The following ARL15 variants were observed in gnomAD, a reference collection of about 807,000 sequenced individuals.
ARL15 encodes ARF like GTPase 15.
ARL15 carries 19 observed loss-of-function variants against 25.2 expected under a neutral mutation model. The ratio of observed to expected loss-of-function variants is 0.75; its 90% CI spans 0.53 to 1.10. The LOEUF is 1.10. ARL15 is among the 50% of genes least tolerant of loss of function. The pLI, the probability that ARL15 is intolerant of heterozygous loss-of-function variation, is 0.00. For synonymous variants in ARL15, 94 were observed against 86.8 expected (o/e 1.08, Z -0.46); for missense variants, 220 against 246.0 (o/e 0.89, Z 0.71).
intron 4 of ARL15, among the ~76,000 whole-genome samples, chr5:53,936,555 C>G: frequency 6.6e-6 from 1 of 152,288 alleles, no homozygotes; most frequent in South Asian, 2.1e-4. Flanking sequence ...ATTGAGCAAA[C>G]TTTTGCATCA....
At chr5:54,058,672 C>G (rs1750965233) in intron 4 of ARL15, among the ~76,000 whole-genome samples, 1 of 152,100 alleles carries the variant, frequency 6.6e-6, no homozygotes, top group Non-Finnish European at 1.5e-5. Flanking sequence ...AGAAGCGGGA[C>G]AGTGTGGCTG....
chr5:54,085,508 T>C (rs1751936341), intron 4 of ARL15, among the ~76,000 whole-genome samples: 1 of 152,194 alleles, frequency 6.6e-6, no homozygotes, highest in South Asian at 2.1e-4. Flanking sequence ...AGTGGCTTCA[T>C]GTCACTGAAC....
At chr5:53,907,354 G>C (rs1369825994) in intron 4 of ARL15, among the ~76,000 whole-genome samples, 2 of 149,754 alleles carry the variant, frequency 1.3e-5, no homozygotes, top group Admixed American at 6.7e-5. Flanking sequence ...TCAAGATTTT[G>C]ACAAATGTGT....
chr5:54,291,020 C>T lies in ARL15; in HGVS notation c.48+19412G>A, dbSNP rs557118359. Among the ~76,000 whole-genome samples the T allele has an allele frequency of 2.6e-5, 4 of 152,304 alleles. No individual in the cohort carries two copies. In the East Asian group the frequency reaches 7.7e-4, roughly 29 times the overall value. On this transcript the variant is annotated intron_variant, in intron 1 of 4. Transcript: ENST00000504924. ...TAACTTACAAAAATTATTGTACTGC[C>T]AGGAAAAGGCTGACTACAGGAGAAC...
chr5:54,282,389 T>TC, intron 1 of ARL15: 15 of 985,454 alleles, frequency 1.5e-5, no homozygotes, highest in Non-Finnish European at 1.8e-5. Flanking sequence ...CTGTCTTCAT[T>TC]CCCCTTGCTC....
intron 1 of ARL15, among the ~76,000 whole-genome samples, chr5:54,213,653 C>A (rs1756105062): frequency 1.3e-5 from 2 of 152,016 alleles, no homozygotes; most frequent in African/African-American, 2.4e-5. Context: ...TTTTGTTTAG[C>A]AAAAATGTTC....
chr5:54,235,603 C>G (rs1179101677), intron 1 of ARL15, among the ~76,000 whole-genome samples: 1 of 151,852 alleles, frequency 6.6e-6, no homozygotes, highest in African/African-American at 2.4e-5. Flanking sequence ...TCCCAAGTAG[C>G]TGGGAATATA....
chr5:54,197,127 T>G (rs1579899897), intron 1 of ARL15, among the ~76,000 whole-genome samples: 2 of 152,120 alleles, frequency 1.3e-5, no homozygotes, highest in Non-Finnish European at 1.5e-5. Context: ...CAGTTTGTTT[T>G]TTTTTTATTT....
At chr5:54,076,547 A>C (rs1215730906) in intron 4 of ARL15, among the ~76,000 whole-genome samples, 1 of 152,234 alleles carries the variant, frequency 6.6e-6, no homozygotes, top group African/African-American at 2.4e-5. Flanking sequence ...AACTATTTGA[A>C]ATAGTGACAA....
chr5:54,092,981 CTTT>C (rs1163152205), intron 4 of ARL15, among the ~76,000 whole-genome samples: 1 of 152,132 alleles, frequency 6.6e-6, no homozygotes, highest in Non-Finnish European at 1.5e-5. Context: ...TCTGGGGTGT[CTTT>C]TAAAGAGCCT....
At chr5:54,054,025 T>C (rs774832517) in intron 4 of ARL15, among the ~76,000 whole-genome samples, 47 of 152,212 alleles carry the variant, frequency 3.1e-4, no homozygotes, top group Non-Finnish European at 5.7e-4. Context: ...GTAATAATTC[T>C]GTATATCTAA....
At chr5:54,006,554 T>G (rs1271543544) in intron 4 of ARL15, among the ~76,000 whole-genome samples, 1 of 152,018 alleles carries the variant, frequency 6.6e-6, no homozygotes, top group Non-Finnish European at 1.5e-5. Context: ...AAAACAGGGA[T>G]GGAGAACATA....
intron 3 of ARL15, among the ~76,000 whole-genome samples, chr5:54,121,765 T>A (rs142194463): frequency 3.9e-4 from 60 of 152,254 alleles, no homozygotes; most frequent in African/African-American, 1.3e-3. Context: ...CTAAGTAACA[T>A]GAAAACTCCG....
chr5:53,900,036 A>T (rs979882486), intron 4 of ARL15, among the ~76,000 whole-genome samples: 4 of 152,224 alleles, frequency 2.6e-5, no homozygotes, highest in African/African-American at 9.6e-5. Flanking sequence ...GTACGAAATT[A>T]TCAGTAACTG....
chr5:53,956,114 T>G (rs1405344117), intron 4 of ARL15, among the ~76,000 whole-genome samples: 1 of 151,866 alleles, frequency 6.6e-6, no homozygotes, highest in Non-Finnish European at 1.5e-5. Context: ...CCCTGAGAGA[T>G]TTTCTTCCCC....
intron 4 of ARL15, among the ~76,000 whole-genome samples, chr5:54,065,801 T>C (rs1751211977): frequency 6.6e-6 from 1 of 152,134 alleles, no homozygotes; most frequent in African/African-American, 2.4e-5. Flanking sequence ...GTAAAACCTC[T>C]CATTAATAAT....
chr5:54,266,212 T>C (rs1579964825), intron 1 of ARL15, among the ~76,000 whole-genome samples: 1 of 152,194 alleles, frequency 6.6e-6, no homozygotes, highest in Admixed American at 6.5e-5. Context: ...CCACCTCAAC[T>C]GACTAGAACA....
chr5:54,021,103 A>T (rs997035031), intron 4 of ARL15, among the ~76,000 whole-genome samples: 1 of 152,206 alleles, frequency 6.6e-6, no homozygotes, highest in Admixed American at 6.5e-5. Context: ...TGGAAGGCCG[A>T]GGTGGGCAGA....
chr5:54,267,257 A>G (rs1757653221), intron 1 of ARL15, among the ~76,000 whole-genome samples: 1 of 151,982 alleles, frequency 6.6e-6, no homozygotes, highest in South Asian at 2.1e-4. Context: ...ACACCCAGCT[A>G]ATTTTTTGTA....
Sources: allele counts gnomAD v4.1 joint callset (sites outside exome capture counted in the v4.1 genomes callset), GRCh38; gene constraint gnomAD v4.1.1; transcripts MANE v1.5; gene names NCBI Gene and HGNC (gene_info 2026-07-23, HGNC 2026-07-21).